The following UBTD1 variants were observed in gnomAD, a reference collection of about 807,000 sequenced individuals.
The protein encoded by UBTD1 is ubiquitin domain containing 1, also known as ubiquitin domain-containing protein 1.
UBTD1 carries 19 observed loss-of-function variants against 21.7 expected under a neutral mutation model. That is an observed-to-expected ratio of 0.87 (90% CI 0.61 to 1.28). UBTD1 has a LOEUF of 1.28. Ranked by LOEUF, UBTD1 falls within the 50% of genes most tolerant of loss-of-function variation. The pLI is 0.00. For synonymous variants in UBTD1, 116 were observed against 135.1 expected, an observed-to-expected ratio of 0.86 and a Z score of 0.98; for missense variants, 282 against 315.1, an observed-to-expected ratio of 0.89 and a Z score of 0.80.
At chr10:97,509,090 C>A (rs932478213) in intron 1 of UBTD1, among the ~76,000 whole-genome samples, 1 of 152,218 alleles carries the variant, frequency 6.6e-6, no homozygotes, top group Non-Finnish European at 1.5e-5. Context: ...GATTAACAAT[C>A]TCTTTCTTCT....
At chr10:97,537,400 G>C (rs998386485) in intron 1 of UBTD1, among the ~76,000 whole-genome samples, 1 of 152,220 alleles carries the variant, frequency 6.6e-6, no homozygotes, top group African/African-American at 2.4e-5. Context: ...GATAGCTAGA[G>C]AGCAGGGGCC....
At chr10:97,548,102 C>T (rs2040619591) in intron 1 of UBTD1, among the ~76,000 whole-genome samples, 3 of 152,212 alleles carry the variant, frequency 2.0e-5, no homozygotes, top group Admixed American at 2.0e-4. Flanking sequence ...AGGTCATCCA[C>T]CCGTGGTCAC....
chr10:97,523,965 G>A (rs2040476860), intron 1 of UBTD1, among the ~76,000 whole-genome samples: 1 of 152,108 alleles, frequency 6.6e-6, no homozygotes, highest in Admixed American at 6.5e-5. Context: ...GGATGAGTGT[G>A]GGGAGACCCG....
At chr10:97,500,606 T>G (rs189004040) in intron 1 of UBTD1, among the ~76,000 whole-genome samples, 1 of 152,302 alleles carries the variant, frequency 6.6e-6, no homozygotes, top group Non-Finnish European at 1.5e-5. Context: ...TTGCAGCATT[T>G]TTTGCTGTTG....
At chr10:97,500,828 T>C (rs970154024) in intron 1 of UBTD1, among the ~76,000 whole-genome samples, 1 of 152,220 alleles carries the variant, frequency 6.6e-6, no homozygotes, top group Non-Finnish European at 1.5e-5. Context: ...AATACCCCTA[T>C]GCTTAAACTT....
intron 1 of UBTD1, among the ~76,000 whole-genome samples, chr10:97,541,167 G>A (rs913606893): frequency 3.3e-5 from 5 of 152,158 alleles, no homozygotes. Context: ...CAAGGATTAA[G>A]TGAAATGAAG....
Position 97,570,520 on chromosome 10 carries a change from C to G in UBTD1, c.681C>G (p.Asp227Glu). 1 of 1,594,238 alleles carries G rather than the reference C, an allele frequency of 6.3e-7. No homozygotes were observed. ...TCAACCAGCCCCCACCACCCCAGGACTGATGGGCCCACGGACCCCTGGGAA... is the reference window on the plus strand; with the variant it reads ...TCAACCAGCCCCCACCACCCCAGGAGTGATGGGCCCACGGACCCCTGGGAA... ...VIINQPPPPQ[D>E] Residue 227 changes from aspartate to glutamate, a missense_variant, in exon 3 of 3, where the codon GAC (aspartate) becomes GAG (glutamate). By Grantham distance (45) the Asp-to-Glu change is conservative (BLOSUM62 2). Coordinates refer to ENST00000370664, the MANE Select transcript of UBTD1 (RefSeq NM_024954.5). The surrounding 1 kb of genome is among the most constrained non-coding windows in gnomAD (Gnocchi z 6.6).
intron 1 of UBTD1, among the ~76,000 whole-genome samples, chr10:97,533,563 C>T (rs2040543467): frequency 6.6e-6 from 1 of 152,148 alleles, no homozygotes; most frequent in Non-Finnish European, 1.5e-5. Context: ...GTCTGCCCTC[C>T]CTCTTCGCAG....
chr10:97,551,781 GTAT>G (rs1435775358), intron 1 of UBTD1, among the ~76,000 whole-genome samples: 2 of 152,058 alleles, frequency 1.3e-5, no homozygotes, highest in African/African-American at 4.8e-5. Flanking sequence ...AACTTTTATG[GTAT>G]TATTCTTATT....
At chr10:97,563,987 C>T (rs1263522415) in intron 1 of UBTD1, among the ~76,000 whole-genome samples, 4 of 152,116 alleles carry the variant, frequency 2.6e-5, no homozygotes, top group East Asian at 1.9e-4. Flanking sequence ...GGCTGTCCGA[C>T]GGACACAGCT....
At chr10:97,542,054 G>A (rs953119912) in intron 1 of UBTD1, among the ~76,000 whole-genome samples, 1 of 152,104 alleles carries the variant, frequency 6.6e-6, no homozygotes, top group Non-Finnish European at 1.5e-5. Flanking sequence ...GATTCTTAAA[G>A]CCACCTCTCT....
rs2040748251 is a variant in UBTD1, at chr10:97,571,103, A to T, written c.*580A>T. On this transcript the variant is annotated 3_prime_UTR_variant, in exon 3 of 3. Transcript: ENST00000370664. ...CTGCACAGGGCCATGTCCTGGCTGT[A>T]ACCCAGGCAGTGGGAGGTCTGCAGC... is the stretch of plus-strand genomic sequence containing the variant. 6.5e-6 allele frequency: 1 copy of T among 153,754 alleles called. No individual in the cohort carries two copies. The highest frequency in any genetic ancestry group is 1.9e-4 in the East Asian group (1 of 5,214). The allele number at this position is 153,754 out of a possible 1,614,324, so 9.5% of individuals were successfully genotyped here. A position where few individuals can be genotyped will look rare whatever the true frequency, so the allele number is the denominator to read the frequency against.
chr10:97,530,594 A>C (rs1227966959), intron 1 of UBTD1, among the ~76,000 whole-genome samples: 4 of 152,212 alleles, frequency 2.6e-5, no homozygotes, highest in Non-Finnish European at 5.9e-5. Flanking sequence ...TTCTAAGGAT[A>C]GAACCTAGGG....
chr10:97,514,558 C>T lies in UBTD1; in HGVS notation c.70+15285C>T, dbSNP rs142278622. On this transcript the variant is annotated intron_variant, in intron 1 of 2. Transcript: ENST00000370664. ...CAGGACAGCTCCACGTTGTTCAGGC[C>T]GGTTAGCATCGCCCTTCCGCTGATG... 1.3e-3 allele frequency among the ~76,000 whole-genome samples: 204 copies of T among 152,252 alleles called. 2 individuals are homozygous for T. The highest frequency in any genetic ancestry group is 4.6e-3 in the African/African-American group (190 of 41,554).
At chr10:97,520,419 G>T (rs1342119529) in intron 1 of UBTD1, among the ~76,000 whole-genome samples, 2 of 152,168 alleles carry the variant, frequency 1.3e-5, no homozygotes, top group African/African-American at 4.8e-5. Context: ...CTTGATCCTG[G>T]GTGTGCAGCT....
chr10:97,541,664 T>C (rs965764540), intron 1 of UBTD1, among the ~76,000 whole-genome samples: 3 of 151,920 alleles, frequency 2.0e-5, no homozygotes, highest in Admixed American at 2.0e-4. Flanking sequence ...GTTCCAGAGG[T>C]TCAGCTGTTC....
chr10:97,566,359 T>C (rs558450674), intron 1 of UBTD1, among the ~76,000 whole-genome samples: 1 of 152,148 alleles, frequency 6.6e-6, no homozygotes, highest in African/African-American at 2.4e-5. Flanking sequence ...TGAAGTTGTT[T>C]TCCTCCAAAG....
At chr10:97,528,201 G>T (rs1423473789) in intron 1 of UBTD1, among the ~76,000 whole-genome samples, 1 of 87,836 alleles carries the variant, frequency 1.1e-5, no homozygotes, top group African/African-American at 3.9e-5. Context: ...CCTCCTGGAC[G>T]GGGCGGCTGG....
intron 1 of UBTD1, among the ~76,000 whole-genome samples, chr10:97,531,036 C>T (rs1325406377): frequency 2.0e-5 from 3 of 151,564 alleles, no homozygotes; most frequent in East Asian, 1.9e-4. Context: ...TACAGGTGCC[C>T]GCCACCACGC....
Sources: allele counts gnomAD v4.1 joint callset (sites outside exome capture counted in the v4.1 genomes callset), GRCh38; gene constraint gnomAD v4.1.1; non-coding constraint Gnocchi (gnomAD v3.1); transcripts MANE v1.5; gene names NCBI Gene and HGNC (gene_info 2026-07-23, HGNC 2026-07-21).